Variants in MYO5A observed in about 807,000 individuals in gnomAD.
MYO5A encodes myosin VA.
MYO5A carries 98 observed loss-of-function variants against 249.7 expected under a neutral mutation model. The ratio of observed to expected loss-of-function variants is 0.39; its 90% CI spans 0.33 to 0.46. The LOEUF (loss-of-function observed/expected upper bound fraction) is 0.46, where lower values mean the gene tolerates loss of function less well. Ranked by LOEUF, MYO5A falls within the 20% of genes least tolerant of loss-of-function variation. MYO5A has a pLI of 0.98. For synonymous variants in MYO5A, 778 were observed against 810.6 expected, an observed-to-expected ratio of 0.96 and a Z score of 0.68; for missense variants, 1,696 against 2,308.8, an observed-to-expected ratio of 0.73 and a Z score of 5.44.
chr15:52,425,892 G>T lies in MYO5A; in HGVS notation c.393C>A (p.Asn131Lys). ...EDIINAYSGQ[N>K]MGDMDPHIFA... ...AGATATGTGGATCCATATCACCCAT[G>T]TTCTGACCACTGTATGCATTAATAA... The change falls in exon 4 of 42, where the codon AAC becomes AAA. Residue 131 changes from asparagine (N) to lysine (K), a missense_variant. Asn to Lys is a moderately conservative substitution (Grantham distance 94). Coordinates refer to ENST00000399233, the MANE Select transcript of MYO5A (RefSeq NM_001382347.1). The T allele has an allele frequency of 6.2e-7, 1 of 1,613,904 alleles. No individual in the cohort carries two copies. Among genetic ancestry groups the T allele is most frequent in the East Asian group, 2.2e-5 (1 of 44,864 alleles).
rs1284269017 is a variant in MYO5A at position 52,390,459 on chromosome 15, A to G, written c.1543-1096T>C. Among the ~76,000 whole-genome samples, 5 of 152,152 alleles carry G rather than the reference A, an allele frequency of 3.3e-5. No homozygotes were observed. The East Asian group carries it at 9.6e-4, about 29-fold the overall frequency. On this transcript the variant is annotated intron_variant, in intron 12 of 41. Transcript: ENST00000399233. ...AAATAAAGGTAACATCTGTAGTTAC[A>G]TAGTGAAGCATTTCTATAATTCAGA... is the stretch of plus-strand genomic sequence containing the variant.
chr15:52,485,672 G>A (rs1277455635), intron 1 of MYO5A, among the ~76,000 whole-genome samples: 3 of 152,148 alleles, frequency 2.0e-5, no homozygotes, highest in Non-Finnish European at 4.4e-5. Flanking sequence ...ATCATAGCCA[G>A]AAAGGAGTGG....
chr15:52,419,117 T>C (rs2043664905), intron 4 of MYO5A, among the ~76,000 whole-genome samples: 2 of 152,244 alleles, frequency 1.3e-5, no homozygotes, highest in South Asian at 4.1e-4. Flanking sequence ...TCTATGTTGA[T>C]GTTAACTCTC....
chr15:52,389,230 T>G lies in MYO5A; in HGVS notation c.1668+8A>C, dbSNP rs780285828. 3 of 1,612,090 alleles carry G rather than the reference T, an allele frequency of 1.9e-6. No homozygotes were observed. The African/African-American group carries it at 4.0e-5, about 22-fold the overall frequency. On this transcript the variant is annotated splice_region_variant and intron_variant, in intron 13 of 41. Transcript: ENST00000399233. ...TCAAAAAGAAAAACTGATATAAAGC[T>G]TCCTTACTTTGTCAGCAAAATGTTG...
At chr15:52,364,531 A>T in intron 24 of MYO5A, 23 bp downstream of exon 24, 1 of 1,596,026 alleles carries the variant, frequency 6.3e-7, no homozygotes, top group Admixed American at 1.7e-5. Flanking sequence ...TCATTAAAAA[A>T]AAAACAAAAG....
At chr15:52,332,578 T>C (rs1186914799) in intron 34 of MYO5A, among the ~76,000 whole-genome samples, 7 of 152,226 alleles carry the variant, frequency 4.6e-5, no homozygotes, top group African/African-American at 1.7e-4. Flanking sequence ...GAATTCTCCC[T>C]AGGGACTTAA....
At chr15:52,324,347 T>A (rs1410722199) in intron 36 of MYO5A, among the ~76,000 whole-genome samples, 2 of 152,058 alleles carry the variant, frequency 1.3e-5, no homozygotes, top group Admixed American at 6.6e-5. Context: ...CTGAAAAAGA[T>A]GTGAGGGCTG....
In MYO5A at chr15:52,498,541, G is replaced by A. The variant is rs191381281; in HGVS notation, c.27+30239C>T. On this transcript the variant is annotated intron_variant, in intron 1 of 41. Coordinates refer to ENST00000399233, the MANE Select transcript of MYO5A (RefSeq NM_001382347.1). ...TAAAAAAAAACCTCTTCATTTTAAT[G>A]TGCATTTCTTACATTACTGAGTTGA... 2.2e-3 allele frequency among the ~76,000 whole-genome samples: 340 copies of A among 152,144 alleles called. 3 individuals are homozygous for A. Among genetic ancestry groups the A allele is most frequent in the African/African-American group, 7.8e-3 (323 of 41,514 alleles).
intron 1 of MYO5A, among the ~76,000 whole-genome samples, chr15:52,450,067 C>A (rs2075983550): frequency 6.6e-6 from 1 of 152,034 alleles, no homozygotes; most frequent in African/African-American, 2.4e-5. Flanking sequence ...CACCTGTAAA[C>A]CCTGGTACTC....
At chr15:52,374,550 C>T (rs1241697678) in intron 20 of MYO5A, among the ~76,000 whole-genome samples, 1 of 152,154 alleles carries the variant, frequency 6.6e-6, no homozygotes, top group Non-Finnish European at 1.5e-5. Flanking sequence ...TGGGTGGAAC[C>T]AAATGCTATC....
At chr15:52,368,459 G>C (rs556601464) in intron 22 of MYO5A, among the ~76,000 whole-genome samples, 16 of 152,248 alleles carry the variant, frequency 1.1e-4, no homozygotes, top group African/African-American at 3.6e-4. Flanking sequence ...CTCCCCAGCA[G>C]TTTTGATAAA....
chr15:52,356,490 TTATAA>T (rs1181997299), intron 25 of MYO5A, among the ~76,000 whole-genome samples: 1 of 152,050 alleles, frequency 6.6e-6, no homozygotes, highest in African/African-American at 2.4e-5. Context: ...TTTCCCAAAT[TTATAA>T]TATGATATTT....
chr15:52,497,911 A>C (rs1313677853), intron 1 of MYO5A, among the ~76,000 whole-genome samples: 1 of 152,102 alleles, frequency 6.6e-6, no homozygotes, highest in Non-Finnish European at 1.5e-5. Flanking sequence ...AAAAATAATA[A>C]AAATTCAACA....
chr15:52,364,244 A>AG (rs1034704588), intron 24 of MYO5A, among the ~76,000 whole-genome samples: 4 of 152,052 alleles, frequency 2.6e-5, no homozygotes, highest in African/African-American at 9.7e-5. Flanking sequence ...CTCAAAAAAA[A>AG]AAACAAAAAC....
intron 1 of MYO5A, among the ~76,000 whole-genome samples, chr15:52,484,945 C>T (rs568138175): frequency 1.0e-3 from 158 of 152,268 alleles, no homozygotes; most frequent in Non-Finnish European, 2.0e-3. Context: ...TGGTCTTGAA[C>T]TCCTGACCAC....
chr15:52,321,536 T>C, intron 37 of MYO5A, 27 bp from the exon 38 acceptor site: 1 of 1,612,484 alleles, frequency 6.2e-7, no homozygotes, highest in Non-Finnish European at 8.5e-7. Flanking sequence ...AAGTTAATGA[T>C]ACACATGAAG....
chr15:52,385,227 T>C (rs12914979), intron 14 of MYO5A, among the ~76,000 whole-genome samples: 73,556 of 152,102 alleles, frequency 0.48, 21,359 homozygotes, highest in Non-Finnish European at 0.63. Flanking sequence ...AGTCAAGCTA[T>C]ATTTGCAACT....
Position 52,474,960 on chromosome 15 carries a change from T to A in MYO5A, c.28-41675A>T, listed in dbSNP as rs1300424483. ...TTGATTGGAATAGTTTCAGAAGGAATGGTACCAGCTCCTCTTTGTACCTCT... is the reference window on the plus strand; with the variant it reads ...TTGATTGGAATAGTTTCAGAAGGAAAGGTACCAGCTCCTCTTTGTACCTCT... On this transcript the variant is annotated intron_variant, in intron 1 of 41. Transcript: ENST00000399233. Among the ~76,000 whole-genome samples the A allele has an allele frequency of 3.9e-5, 6 of 152,372 alleles. No individual in the cohort carries two copies. In the East Asian group the frequency reaches 9.6e-4, roughly 24 times the overall value.
chr15:52,423,364 AAC>A (rs1338213847), intron 4 of MYO5A, among the ~76,000 whole-genome samples: 4 of 152,026 alleles, frequency 2.6e-5, no homozygotes, highest in Admixed American at 2.0e-4. Context: ...CAACCTGGCT[AAC>A]ACAGTGAAAC....
Sources: gnomAD v4.1 joint callset for allele counts (sites outside exome capture counted in the v4.1 genomes callset) on GRCh38, gnomAD v4.1.1 for gene constraint, MANE v1.5 for transcripts, NCBI Gene and HGNC (gene_info 2026-07-23, HGNC 2026-07-21) for gene names.